Variants in MAP3K15 observed in about 807,000 individuals in gnomAD.
The protein encoded by MAP3K15 is mitogen-activated protein kinase kinase kinase 15, also known as MAPK/ERK kinase kinase 15.
MAP3K15 carries 124 observed loss-of-function variants against 99.5 expected under a neutral mutation model. The observed-to-expected ratio is 1.25, with a 90% CI of 1.08 to 1.45. The LOEUF (loss-of-function observed/expected upper bound fraction) is 1.45. MAP3K15 is among the 40% of genes most tolerant of loss of function. The pLI is 0.00. For missense variants in MAP3K15, 1,242 were observed against 1,079.7 expected (o/e 1.15, Z -2.11); for synonymous variants, 494 against 439.6 (o/e 1.12, Z -1.55).
intron 14 of MAP3K15, among the ~76,000 whole-genome samples, chrX:19,398,892 C>T (rs910459096): frequency 1.8e-5 from 2 of 111,793 alleles, no homozygotes; most frequent in African/African-American, 6.5e-5. Context: ...ATTAGCATTA[C>T]TATTTTGTTC....
intron 9 of MAP3K15, among the ~76,000 whole-genome samples, chrX:19,415,606 C>T (rs143786932): frequency 3.6e-5 from 4 of 111,471 alleles, no homozygotes; most frequent in East Asian, 2.8e-4. Flanking sequence ...GTATGAACTG[C>T]GCAGCTCCAC....
At chrX:19,391,669 C>T (rs767843183) in intron 18 of MAP3K15, among the ~76,000 whole-genome samples, 132 of 76,242 alleles carry the variant, frequency 1.7e-3, no homozygotes, top group Non-Finnish European at 2.5e-3. Flanking sequence ...AGTGAGACCC[C>T]GTCTCAAAAA....
chrX:19,380,492 G>A (rs181142456), intron 18 of MAP3K15, among the ~76,000 whole-genome samples: 1 of 111,775 alleles, frequency 8.9e-6, no homozygotes, highest in South Asian at 3.7e-4. Context: ...ACAAATGGCA[G>A]ATGGAGTCTT....
intron 6 of MAP3K15, among the ~76,000 whole-genome samples, chrX:19,449,826 A>T: frequency 9.2e-6 from 1 of 108,868 alleles, no homozygotes; most frequent in Non-Finnish European, 1.9e-5. Flanking sequence ...TCTCTTAAGA[A>T]TTTTTTTTCA....
intron 2 of MAP3K15, 30 bp from the exon 3 acceptor site, chrX:19,486,535 C>A (rs1394898563): frequency 1.1e-5 from 9 of 805,563 alleles, no homozygotes; most frequent in Non-Finnish European, 1.2e-5. Flanking sequence ...ATGAATATAG[C>A]TTTTTGTAAA....
At chrX:19,364,013 G>C (rs1365131539) in intron 25 of MAP3K15, among the ~76,000 whole-genome samples, 1 of 111,509 alleles carries the variant, frequency 9.0e-6, no homozygotes, top group Non-Finnish European at 1.9e-5. Context: ...CTGCTCTGCC[G>C]GTGGGGAGGA....
chrX:19,417,987 T>C (rs2063750854), intron 9 of MAP3K15, among the ~76,000 whole-genome samples: 1 of 111,926 alleles, frequency 8.9e-6, no homozygotes, highest in Non-Finnish European at 1.9e-5. Context: ...GGGTCCTGAG[T>C]GTTAGAAGGA....
rs144490375 is a variant in MAP3K15 at position 19,486,319 on chromosome X, C to T, written c.525+163G>A. On this transcript the variant is annotated intron_variant, in intron 3 of 28. Coordinates refer to ENST00000338883, the MANE Select transcript of MAP3K15 (RefSeq NM_001001671.4). ...TGGCTGAGTGGGGCCTGGGGCCGGC[C>T]GGTTGAGGCATAGGGAGATTTCTAG... Among the ~76,000 whole-genome samples, 896 of 111,805 alleles carry T rather than the reference C, an allele frequency of 8.0e-3. 7 individuals carry two copies. Among genetic ancestry groups the T allele is most frequent in the Admixed American group, 0.011 (118 of 10,542 alleles).
chrX:19,436,090 G>A (rs1483053288), intron 6 of MAP3K15, among the ~76,000 whole-genome samples: 1 of 108,245 alleles, frequency 9.2e-6, no homozygotes, highest in African/African-American at 3.4e-5. Context: ...GGAGGCGGAG[G>A]TTGCAGTGAA....
intron 6 of MAP3K15, among the ~76,000 whole-genome samples, chrX:19,445,309 G>T (rs12010835): frequency 9.1e-6 from 1 of 109,847 alleles, no homozygotes; most frequent in African/African-American, 3.3e-5. Context: ...AAAAATTAGG[G>T]GCCAGGCATG....
At chrX:19,436,027 G>C (rs1464355654) in intron 6 of MAP3K15, among the ~76,000 whole-genome samples, 1 of 110,842 alleles carries the variant, frequency 9.0e-6, no homozygotes, top group East Asian at 2.8e-4. Flanking sequence ...GGTGGCAGGT[G>C]CCTGCAGTCC....
At chrX:19,416,012 C>T (rs2063731466) in intron 9 of MAP3K15, among the ~76,000 whole-genome samples, 1 of 111,663 alleles carries the variant, frequency 9.0e-6, no homozygotes, top group African/African-American at 3.3e-5. Flanking sequence ...TTGTGGTGAG[C>T]TCCTGTTGTA....
intron 19 of MAP3K15, among the ~76,000 whole-genome samples, chrX:19,379,726 G>A (rs145306185): frequency 0.019 from 2,075 of 111,154 alleles, 60 homozygotes; most frequent in African/African-American, 0.064. Context: ...ACAGGCGTGA[G>A]CCACCGCGCC....
chrX:19,463,440 A>G (rs1305980359), intron 4 of MAP3K15, among the ~76,000 whole-genome samples: 2 of 112,003 alleles, frequency 1.8e-5, no homozygotes, highest in African/African-American at 6.5e-5. Flanking sequence ...TTTGTTTTGG[A>G]AGGACAAATC....
intron 19 of MAP3K15, chrX:19,376,668 C>T (rs2063420403): frequency 9.0e-6 from 1 of 110,674 alleles, no homozygotes; most frequent in African/African-American, 3.3e-5. Flanking sequence ...GGATCTTGAA[C>T]TCCTGGCCTC....
rs867664444 is a variant in MAP3K15 at position 19,415,259 on chromosome X, T to C, written c.1440-2A>G. On this transcript the variant is annotated splice_acceptor_variant, in intron 9 of 28. Transcript: ENST00000338883. LOFTEE classifies it high-confidence loss of function. ...TTCTGAACTAATGATCGCAGGTACC[T>C]GGAAAAATCACAAACAGCAATATAT... 1 of 1,162,371 alleles carries C rather than the reference T, an allele frequency of 8.6e-7. No individual in the cohort carries two copies. The highest frequency in any genetic ancestry group is 1.1e-6 in the Non-Finnish European group (1 of 876,523).
At position 19,371,691 on chromosome X, in the gene MAP3K15, C is replaced by A. The variant is rs2063376744; in HGVS notation, c.3109-161G>T. Among the ~76,000 whole-genome samples, 3 of 111,456 alleles carry A rather than the reference C, an allele frequency of 2.7e-5. No homozygotes were observed. In the Admixed American group the frequency reaches 2.9e-4, roughly 11 times the overall value. On this transcript the variant is annotated intron_variant, in intron 22 of 28. Transcript: ENST00000338883. ...CCCTCCATAACCTTCCTGTCAGGGT[C>A]CTGGCCCCTTCTCCCTGGTGGGTGT...
chrX:19,479,042 C>T (rs899805872), intron 3 of MAP3K15, among the ~76,000 whole-genome samples: 1 of 111,392 alleles, frequency 9.0e-6, no homozygotes, highest in Admixed American at 9.6e-5. Context: ...TATAGCAGTA[C>T]CTCTAAGCCT....
intron 15 of MAP3K15, among the ~76,000 whole-genome samples, chrX:19,397,150 C>T (rs1358349857): frequency 2.7e-5 from 3 of 110,654 alleles, no homozygotes; most frequent in East Asian, 2.8e-4. Context: ...GTGAGCTGCC[C>T]GCCTCAGCCT....
Sources: gnomAD v4.1 joint callset for allele counts (sites outside exome capture counted in the v4.1 genomes callset) on GRCh38, gnomAD v4.1.1 for gene constraint, MANE v1.5 for transcripts, NCBI Gene and HGNC (gene_info 2026-07-23, HGNC 2026-07-21) for gene names.